TRIO: variants seen among roughly 807,000 people sequenced by gnomAD.
The protein encoded by TRIO is trio Rho guanine nucleotide exchange factor.
Under a neutral mutation model 351.9 loss-of-function variants are expected in TRIO, and 58 were observed. The observed-to-expected ratio is 0.16, with a 90% CI of 0.13 to 0.21. The LOEUF (loss-of-function observed/expected upper bound fraction) is 0.21. Among genes scored for constraint, TRIO ranks in the 10% least tolerant of loss-of-function variants. TRIO has a pLI of 1.00. For missense variants in TRIO, 3,201 were observed against 4,027.8 expected, an observed-to-expected ratio of 0.79 and a Z score of 5.56; for synonymous variants, 1,758 against 1,595.7, an observed-to-expected ratio of 1.10 and a Z score of -2.42.
intron 19 of TRIO, among the ~76,000 whole-genome samples, chr5:14,376,118 G>T (rs1338289838): frequency 3.9e-5 from 6 of 152,194 alleles, no homozygotes; most frequent in African/African-American, 1.4e-4. Context: ...AGAGTCTGTT[G>T]TTAGGCTGGA....
intron 13 of TRIO, among the ~76,000 whole-genome samples, chr5:14,362,494 T>A (rs1744236354): frequency 6.6e-6 from 1 of 152,200 alleles, no homozygotes; most frequent in Admixed American, 6.5e-5. Flanking sequence ...TTTGTCCTCC[T>A]CCTCTTCTTT....
At chr5:14,383,982 G>A (rs1289491100) in intron 21 of TRIO, among the ~76,000 whole-genome samples, 1 of 152,186 alleles carries the variant, frequency 6.6e-6, no homozygotes, top group Non-Finnish European at 1.5e-5. Flanking sequence ...CTAAACAAGA[G>A]TCTCCCATCC....
intron 33 of TRIO, among the ~76,000 whole-genome samples, chr5:14,419,183 G>A (rs1204479990): frequency 3.9e-5 from 6 of 152,042 alleles, no homozygotes; most frequent in Admixed American, 6.5e-5. Context: ...TGAAGTGGGG[G>A]AGCCTAGAAG....
chr5:14,359,997 T>TTC (rs899820508), intron 13 of TRIO, among the ~76,000 whole-genome samples: 21 of 151,874 alleles, frequency 1.4e-4, no homozygotes, highest in African/African-American at 5.1e-4. Context: ...CCCTCCCCTT[T>TTC]TCTCTCTCTC....
At chr5:14,476,146 A>G (rs979216792) in intron 40 of TRIO, among the ~76,000 whole-genome samples, 1 of 152,224 alleles carries the variant, frequency 6.6e-6, no homozygotes, top group Non-Finnish European at 1.5e-5. Flanking sequence ...CTGCTGTCCA[A>G]TTTGAGTCTC....
intron 34 of TRIO, among the ~76,000 whole-genome samples, chr5:14,437,450 C>G (rs2152401942): frequency 6.6e-6 from 1 of 152,312 alleles, no homozygotes. Flanking sequence ...CCCTCACACA[C>G]TCATGCCCTG....
intron 34 of TRIO, among the ~76,000 whole-genome samples, chr5:14,452,909 A>G (rs932661193): frequency 6.6e-6 from 1 of 152,022 alleles, no homozygotes; most frequent in Non-Finnish European, 1.5e-5. Context: ...TTTTTTTTTA[A>G]GGTTTTTATT....
intron 40 of TRIO, 90 bp from the exon 41 acceptor site, chr5:14,476,802 AAG>A: frequency 6.0e-6 from 7 of 1,158,678 alleles, no homozygotes; most frequent in Admixed American, 2.7e-5. Flanking sequence ...AAAAAAAAAA[AAG>A]AAAAAAAGAA....
intron 9 of TRIO, among the ~76,000 whole-genome samples, chr5:14,330,045 C>A (rs1255340728): frequency 6.6e-6 from 1 of 152,168 alleles, no homozygotes; most frequent in Non-Finnish European, 1.5e-5. Context: ...GTTCGCAGGT[C>A]AACTCTAGTT....
chr5:14,334,587 T>C (rs992870819), intron 10 of TRIO, among the ~76,000 whole-genome samples: 2 of 152,204 alleles, frequency 1.3e-5, no homozygotes, highest in African/African-American at 2.4e-5. Context: ...ACTGTAGTGG[T>C]GATCATAGGA....
intron 1 of TRIO, among the ~76,000 whole-genome samples, chr5:14,206,641 C>T (rs555280573): frequency 6.6e-6 from 1 of 152,312 alleles, no homozygotes; most frequent in South Asian, 2.1e-4. Context: ...ATTTGTCATT[C>T]CATTTCGATG....
At chr5:14,244,437 A>T (rs1015141773) in intron 1 of TRIO, among the ~76,000 whole-genome samples, 3 of 152,204 alleles carry the variant, frequency 2.0e-5, no homozygotes, top group Non-Finnish European at 4.4e-5. Context: ...ACTATTAAAG[A>T]TACTGGGTTT....
At chr5:14,374,385 C>T (rs1366963509) in intron 19 of TRIO, 42 bp downstream of exon 19, 1 of 1,520,016 alleles carries the variant, frequency 6.6e-7, no homozygotes, top group Admixed American at 1.8e-5. Context: ...CCAGTGCATG[C>T]CTGGCAAGAG....
At chr5:14,213,076 C>T (rs928927070) in intron 1 of TRIO, among the ~76,000 whole-genome samples, 10 of 152,242 alleles carry the variant, frequency 6.6e-5, no homozygotes, top group African/African-American at 2.4e-4. Context: ...TCTTCCTGCT[C>T]CTAGAGGTTT....
chr5:14,413,729 A>AT (rs895748455), intron 33 of TRIO, among the ~76,000 whole-genome samples: 16 of 152,180 alleles, frequency 1.1e-4, no homozygotes, highest in South Asian at 2.1e-4. Context: ...GAAAAGACAG[A>AT]TTTTTTTTAA....
intron 8 of TRIO, 143 bp downstream of exon 8, chr5:14,304,735 T>G (rs1324865366): frequency 3.0e-6 from 3 of 994,604 alleles, no homozygotes; most frequent in Non-Finnish European, 4.4e-6. Flanking sequence ...TGTTTAGCAT[T>G]TGAACCCCTG....
intron 37 of TRIO, among the ~76,000 whole-genome samples, chr5:14,469,833 C>T (rs549046309): frequency 8.5e-5 from 13 of 152,346 alleles, no homozygotes; most frequent in Admixed American, 3.9e-4. Context: ...TGATGAAGTC[C>T]GTGACTTTAC....
intron 11 of TRIO, among the ~76,000 whole-genome samples, chr5:14,349,467 G>A (rs1329473454): frequency 2.0e-5 from 3 of 152,114 alleles, no homozygotes; most frequent in African/African-American, 7.2e-5. Context: ...TTTTAGAGGA[G>A]TCATTTCATT....
chr5:14,508,498 CA>C lies in TRIO; in HGVS notation c.*79del. 6.7e-7 allele frequency: 1 copy of C among 1,492,520 alleles called. No individual in the cohort carries two copies. The highest frequency in any genetic ancestry group is 2.3e-5 in the East Asian group (1 of 44,052). The allele number at this position is 1,492,520 out of a possible 1,614,324, so 92.5% of individuals were successfully genotyped here. A position where few individuals can be genotyped will look rare whatever the true frequency, so the allele number is the denominator to read the frequency against. On this transcript the variant is annotated 3_prime_UTR_variant, in exon 57 of 57. Coordinates refer to ENST00000344204, the MANE Select transcript of TRIO (RefSeq NM_007118.4). ...ATCTGAATTTTCAAGAGAAAACAAG[CA>C]AACATAACTGATCAGCTGCCGGTAT...
Sources: allele counts gnomAD v4.1 joint callset (sites outside exome capture counted in the v4.1 genomes callset), GRCh38; gene constraint gnomAD v4.1.1; transcripts MANE v1.5; gene names NCBI Gene and HGNC (gene_info 2026-07-23, HGNC 2026-07-21).